Variants in ADAMTS12 observed in about 807,000 individuals in gnomAD.
ADAMTS12 encodes ADAM metallopeptidase with thrombospondin type 1 motif 12, also known as A disintegrin and metalloproteinase with thrombospondin motifs 12.
In ADAMTS12, 118 loss-of-function variants were observed where a neutral mutation model predicts 167.8. The ratio of observed to expected loss-of-function variants is 0.70; its 90% confidence interval spans 0.61 to 0.82. The LOEUF (loss-of-function observed/expected upper bound fraction) is 0.82. Among genes scored for constraint, ADAMTS12 ranks in the 40% least tolerant of loss-of-function variants. The probability of loss-of-function intolerance (pLI) is 0.00; values close to 1 mark genes in which losing one functional copy is unlikely to be tolerated. For synonymous variants in ADAMTS12, 704 were observed against 716.9 expected, an observed-to-expected ratio of 0.98 and a Z score of 0.29; for missense variants, 1,916 against 1,998.8, an observed-to-expected ratio of 0.96 and a Z score of 0.79.
chr5:33,614,692 A>C (rs1171055383), intron 15 of ADAMTS12, among the ~76,000 whole-genome samples: 1 of 152,214 alleles, frequency 6.6e-6, no homozygotes, highest in Non-Finnish European at 1.5e-5. Flanking sequence ...ACTCTGTGGA[A>C]ATGGCAAGGA....
chr5:33,790,597 A>C (rs1317190986), intron 2 of ADAMTS12, among the ~76,000 whole-genome samples: 1 of 150,592 alleles, frequency 6.6e-6, no homozygotes, highest in Non-Finnish European at 1.5e-5. Flanking sequence ...AATGTCCCAC[A>C]TATGGATTTG....
At chr5:33,588,578 C>T (rs1561149293) in intron 18 of ADAMTS12, 21 bp downstream of exon 18, 1 of 1,611,894 alleles carries the variant, frequency 6.2e-7, no homozygotes, top group Admixed American at 1.7e-5. Context: ...TGCCAGTTTC[C>T]CCGCCGAGCC....
At chr5:33,659,176 G>A (rs779304530) in intron 6 of ADAMTS12, among the ~76,000 whole-genome samples, 13 of 152,164 alleles carry the variant, frequency 8.5e-5, no homozygotes, top group Non-Finnish European at 1.9e-4. Context: ...ATTGGGACAT[G>A]GAAAAGATCC....
chr5:33,569,464 G>A (rs56078433), intron 19 of ADAMTS12, among the ~76,000 whole-genome samples: 49,668 of 152,100 alleles, frequency 0.33, 9,160 homozygotes, highest in Non-Finnish European at 0.41. Flanking sequence ...TGCAGACACC[G>A]CTGCTGATAC....
Position 33,865,474 on chromosome 5 carries a change from A to T in ADAMTS12, c.489+15645T>A, listed in dbSNP as rs151045086. ...GCATAGAATGGACATACCTCAAAAT[A>T]ATAAAAGCCATATATGACAAACCCA... On this transcript the variant is annotated intron_variant, in intron 2 of 23. Coordinates refer to ENST00000504830, the MANE Select transcript of ADAMTS12 (RefSeq NM_030955.4). Among the ~76,000 whole-genome samples the T allele has an allele frequency of 8.1e-3, 1,232 of 152,304 alleles. 15 individuals are homozygous for T. The highest frequency in any genetic ancestry group is 0.028 in the African/African-American group (1,171 of 41,556).
chr5:33,719,048 C>A (rs185190471), intron 3 of ADAMTS12, among the ~76,000 whole-genome samples: 1 of 152,198 alleles, frequency 6.6e-6, no homozygotes, highest in Admixed American at 6.5e-5. Flanking sequence ...ACATGCCTTG[C>A]GGTGCTTAAT....
At chr5:33,550,309 T>C (rs1263860630) in intron 20 of ADAMTS12, among the ~76,000 whole-genome samples, 1 of 152,204 alleles carries the variant, frequency 6.6e-6, no homozygotes, top group Non-Finnish European at 1.5e-5. Context: ...TGATCATAAC[T>C]TGTGCTTCTA....
chr5:33,820,841 G>C (rs1248817219), intron 2 of ADAMTS12, among the ~76,000 whole-genome samples: 1 of 152,152 alleles, frequency 6.6e-6, no homozygotes, highest in Non-Finnish European at 1.5e-5. Flanking sequence ...TGGAGCTGGA[G>C]GCTGTTATCC....
chr5:33,584,610 T>C (rs1747240677), intron 18 of ADAMTS12, among the ~76,000 whole-genome samples: 1 of 152,350 alleles, frequency 6.6e-6, no homozygotes, highest in African/African-American at 2.4e-5. Context: ...AATAATTTAG[T>C]GAACACTTAC....
At chr5:33,538,129 A>G (rs1744503440) in intron 22 of ADAMTS12, among the ~76,000 whole-genome samples, 1 of 152,114 alleles carries the variant, frequency 6.6e-6, no homozygotes, top group Non-Finnish European at 1.5e-5. Context: ...GAGACTGGGT[A>G]ATTTATTAAG....
rs551357515 is a variant in ADAMTS12, at chr5:33,671,279, C to T, written c.916-9239G>A. Among the ~76,000 whole-genome samples the T allele has an allele frequency of 1.4e-4, 22 of 152,196 alleles. 1 individual carries two copies. Among genetic ancestry groups the T allele is most frequent in the Admixed American group, 1.2e-3 (19 of 15,276 alleles). On this transcript the variant is annotated intron_variant, in intron 5 of 23. Transcript: ENST00000504830. ...ACAAACCTATATGTGTGACAAAAAT[C>T]GCATAGAACTAAATGTATACACACA...
intron 3 of ADAMTS12, among the ~76,000 whole-genome samples, chr5:33,723,059 T>C (rs1238982628): frequency 6.6e-6 from 1 of 152,176 alleles, no homozygotes; most frequent in Non-Finnish European, 1.5e-5. Context: ...GCTGTGGCCC[T>C]GATGGATGGC....
rs1169203883 is a variant in ADAMTS12, at chr5:33,751,485, C to T, written c.553G>A (p.Val185Ile). The change falls in exon 3 of 24, where the codon GTT becomes ATT. Residue 185 changes from valine to isoleucine, a missense_variant. Physicochemically the swap from Val to Ile is conservative, Grantham distance 29. Transcript: ENST00000504830. ...FIEPVKKHPLVEGGYHPHIVY... is the reference protein window; with the variant it reads ...FIEPVKKHPLIEGGYHPHIVY... ...ATGTGCGGGTGGTACCCTCCCTCAACCAGTGGATGCTTCTTCACGGGTTCA... is the reference window on the plus strand; with the variant it reads ...ATGTGCGGGTGGTACCCTCCCTCAATCAGTGGATGCTTCTTCACGGGTTCA... 9 of 1,614,118 alleles carry T rather than the reference C, an allele frequency of 5.6e-6. No homozygotes were observed. Among genetic ancestry groups the T allele is most frequent in the South Asian group, 1.1e-5 (1 of 91,070 alleles).
In ADAMTS12 at chr5:33,561,181, T is replaced by C; in HGVS notation, c.3973-2A>G. On this transcript the variant is annotated splice_acceptor_variant, in intron 19 of 23. Transcript: ENST00000504830. LOFTEE classifies it high-confidence loss of function. Reference sequence around the variant, plus strand: ...CCCCAGGCCACATGTGGTGGAGCACTGTAGCAGGGAAGGAGAGAGATGACA... The same window carrying C: ...CCCCAGGCCACATGTGGTGGAGCACCGTAGCAGGGAAGGAGAGAGATGACA... 6.2e-7 allele frequency: 1 copy of C among 1,613,484 alleles called. No individual in the cohort carries two copies. The highest frequency in any genetic ancestry group is 8.5e-7 in the Non-Finnish European group (1 of 1,179,814).
chr5:33,826,653 ATG>A (rs1463173008), intron 2 of ADAMTS12, among the ~76,000 whole-genome samples: 2 of 152,012 alleles, frequency 1.3e-5, no homozygotes, highest in African/African-American at 4.8e-5. Flanking sequence ...CTTGATGAAA[ATG>A]TGTACCACTG....
intron 20 of ADAMTS12, among the ~76,000 whole-genome samples, chr5:33,556,045 C>T (rs150124270): frequency 1.1e-4 from 16 of 152,328 alleles, no homozygotes; most frequent in African/African-American, 3.8e-4. Context: ...CCTAACTTTA[C>T]CTAGAGCTCG....
chr5:33,559,771 C>T (rs1392317344), intron 20 of ADAMTS12, among the ~76,000 whole-genome samples: 1 of 152,166 alleles, frequency 6.6e-6, no homozygotes, highest in Non-Finnish European at 1.5e-5. Flanking sequence ...ATCCCAGCTA[C>T]CCGGAGGTTA....
At chr5:33,599,065 C>T (rs1234913564) in intron 16 of ADAMTS12, among the ~76,000 whole-genome samples, 1 of 152,212 alleles carries the variant, frequency 6.6e-6, no homozygotes, top group African/African-American at 2.4e-5. Context: ...GTGCCACTCA[C>T]ATGAATAAAA....
intron 2 of ADAMTS12, among the ~76,000 whole-genome samples, chr5:33,865,110 A>T (rs542579169): frequency 6.6e-6 from 1 of 152,314 alleles, no homozygotes; most frequent in Non-Finnish European, 1.5e-5. Context: ...AATTTTCTTA[A>T]AATCATTCTA....
Sources: gnomAD v4.1 joint callset for allele counts (sites outside exome capture counted in the v4.1 genomes callset) on GRCh38, gnomAD v4.1.1 for gene constraint, MANE v1.5 for transcripts, NCBI Gene and HGNC (gene_info 2026-07-23, HGNC 2026-07-21) for gene names.